FGFR1OP2: variants seen among roughly 807,000 people sequenced by gnomAD.
FGFR1OP2 encodes fibroblast growth factor receptor 1 oncogene partner 2.
Under a neutral mutation model 35.2 loss-of-function variants are expected in FGFR1OP2, and 17 were observed. That is an observed-to-expected ratio of 0.48 (90% confidence interval 0.33 to 0.73). The LOEUF is 0.73. Among genes scored for constraint, FGFR1OP2 ranks in the 30% least tolerant of loss-of-function variants. FGFR1OP2 has a pLI of 0.02. For missense variants in FGFR1OP2, 251 were observed against 307.3 expected (o/e 0.82, Z 1.37); for synonymous variants, 105 against 104.6 (o/e 1.00, Z -0.03).
In FGFR1OP2 at chr12:26,957,634, C is replaced by T; in HGVS notation, c.287C>T (p.Ala96Val). 1 of 1,612,986 alleles carries T rather than the reference C, an allele frequency of 6.2e-7. No homozygotes were observed. Among genetic ancestry groups the T allele is most frequent in the Non-Finnish European group, 8.5e-7 (1 of 1,179,506 alleles). Reference sequence around the variant, plus strand: ...ACATCTCTGGAAGAACATCAGTCGGCCTTGGAACTTATAATGAGCAAGTAC... The same window carrying T: ...ACATCTCTGGAAGAACATCAGTCGGTCTTGGAACTTATAATGAGCAAGTAC... ...LRTSLEEHQS[A>V]LELIMSKYRE... The change falls in exon 4 of 7, where the codon GCC (alanine) becomes GTC (valine). Residue 96 changes from alanine (A) to valine (V), a missense_variant. Transcript: ENST00000229395.
intron 1 of FGFR1OP2, among the ~76,000 whole-genome samples, chr12:26,947,018 CTT>C (rs370809370): frequency 1.4e-5 from 2 of 145,832 alleles, no homozygotes; most frequent in Non-Finnish European, 1.5e-5. Flanking sequence ...TTCCCCCCTA[CTT>C]TTTTTTTTTT....
rs1209929833 is a variant in FGFR1OP2 at position 26,964,869 on chromosome 12, A to G, written c.*136A>G. 6.3e-6 allele frequency: 5 copies of G among 796,702 alleles called. No homozygotes were observed. In the East Asian group the frequency reaches 1.3e-4, roughly 21 times the overall value. 49.4% of individuals were successfully genotyped at this position (796,702 alleles called of 1,614,324 possible). A position where few individuals can be genotyped will look rare whatever the true frequency, so the allele number is the denominator to read the frequency against. ...GTGCACGGGCTATGAGATAGCAACA[A>G]AAAATGCATAGTTAATGGTCATAGA... On this transcript the variant is annotated 3_prime_UTR_variant, in exon 7 of 7. Coordinates refer to ENST00000229395, the MANE Select transcript of FGFR1OP2 (RefSeq NM_015633.3).
Position 26,938,510 on chromosome 12 carries a change from G to A in FGFR1OP2, c.-215G>A, listed in dbSNP as rs1938615205. 2 of 151,658 alleles carry A rather than the reference G, an allele frequency of 1.3e-5. No individual in the cohort carries two copies. Among genetic ancestry groups the A allele is most frequent in the Admixed American group, 1.3e-4 (2 of 15,222 alleles). 9.4% of individuals were successfully genotyped at this position (151,658 alleles called of 1,614,324 possible). On this transcript the variant is annotated 5_prime_UTR_variant, in exon 1 of 7. Coordinates refer to ENST00000229395, the MANE Select transcript of FGFR1OP2 (RefSeq NM_015633.3). ...CCGGTCGGAGGCGGTCGGCGGAGGT[G>A]TCTACCCCGCCGGTGATGGCGTTGA...
intron 1 of FGFR1OP2, among the ~76,000 whole-genome samples, chr12:26,946,509 G>A (rs2041899546): frequency 6.6e-6 from 1 of 152,068 alleles, no homozygotes; most frequent in African/African-American, 2.4e-5. Flanking sequence ...GTGGGGTTTG[G>A]CCATGTTTCC....
chr12:26,955,189 G>A (rs185203889), intron 2 of FGFR1OP2, among the ~76,000 whole-genome samples: 1 of 152,198 alleles, frequency 6.6e-6, no homozygotes, highest in East Asian at 1.9e-4. Context: ...GACATCTGAA[G>A]TTAAGAACCA....
intron 1 of FGFR1OP2, among the ~76,000 whole-genome samples, chr12:26,950,020 T>G (rs1449185192): frequency 6.6e-6 from 1 of 152,108 alleles, no homozygotes; most frequent in Non-Finnish European, 1.5e-5. Flanking sequence ...TCATGGAGTC[T>G]TTTAACTTCT....
intron 1 of FGFR1OP2, among the ~76,000 whole-genome samples, chr12:26,941,871 A>C (rs1226063610): frequency 6.6e-6 from 1 of 152,058 alleles, no homozygotes; most frequent in African/African-American, 2.4e-5. Flanking sequence ...TTCGTTTTCC[A>C]CCTGATGAGA....
chr12:26,957,655 A>C lies in FGFR1OP2; in HGVS notation c.308A>C (p.Lys103Thr), dbSNP rs775003548. 6.2e-7 allele frequency: 1 copy of C among 1,613,780 alleles called. No individual in the cohort carries two copies. Among genetic ancestry groups the C allele is most frequent in the Non-Finnish European group, 8.5e-7 (1 of 1,179,780 alleles). ...HQSALELIMS[K>T]YREQMFRLLM... ...TCGGCCTTGGAACTTATAATGAGCA[A>C]GTACCGAGAACAAATGTTTAGATTG... is the stretch of plus-strand genomic sequence containing the variant. The change falls in exon 4 of 7, where the codon AAG becomes ACG. Residue 103 changes from lysine to threonine, a missense_variant. Transcript: ENST00000229395.
At chr12:26,963,654 A>G (rs981907799) in intron 6 of FGFR1OP2, among the ~76,000 whole-genome samples, 199 bp downstream of exon 6, 8 of 152,150 alleles carry the variant, frequency 5.3e-5, no homozygotes, top group African/African-American at 1.9e-4. Context: ...CTTACAATAT[A>G]CCAGTAATGT....
At chr12:26,960,389 C>G in intron 4 of FGFR1OP2, 126 bp from the exon 5 acceptor site, 1 of 508,348 alleles carries the variant, frequency 2.0e-6, no homozygotes. Context: ...TGAACAGATG[C>G]CTTTTTGGAA....
At chr12:26,959,446 C>G (rs1343321323) in intron 4 of FGFR1OP2, among the ~76,000 whole-genome samples, 1 of 151,752 alleles carries the variant, frequency 6.6e-6, no homozygotes, top group African/African-American at 2.4e-5. Flanking sequence ...TGTTTTATAA[C>G]CTAAAAATAA....
chr12:26,955,296 A>G (rs920655226), intron 2 of FGFR1OP2, among the ~76,000 whole-genome samples: 4 of 152,218 alleles, frequency 2.6e-5, no homozygotes, highest in African/African-American at 9.6e-5. Flanking sequence ...TTCTTAATGG[A>G]AAATCTTTTT....
At chr12:26,940,248 G>T (rs1317676634) in intron 1 of FGFR1OP2, among the ~76,000 whole-genome samples, 1 of 152,114 alleles carries the variant, frequency 6.6e-6, no homozygotes, top group African/African-American at 2.4e-5. Flanking sequence ...ATATGTATGT[G>T]AAACTTATAT....
chr12:26,941,495 C>T (rs1216302551), intron 1 of FGFR1OP2, among the ~76,000 whole-genome samples: 1 of 152,178 alleles, frequency 6.6e-6, no homozygotes, highest in Non-Finnish European at 1.5e-5. Flanking sequence ...CTTTGAGCTA[C>T]CTGCTGCTTA....
chr12:26,956,127 C>T (rs960093773), intron 2 of FGFR1OP2, among the ~76,000 whole-genome samples: 1 of 152,052 alleles, frequency 6.6e-6, no homozygotes, highest in Non-Finnish European at 1.5e-5. Flanking sequence ...AAAGATTGGA[C>T]ACCCCTGAAC....
rs186825513 is a variant in FGFR1OP2 at position 26,964,309 on chromosome 12, T to C, written c.625-287T>C. 3.3e-5 allele frequency among the ~76,000 whole-genome samples: 5 copies of C among 152,270 alleles called. No homozygotes were observed. The East Asian group carries it at 7.7e-4, about 23-fold the overall frequency. ...ATCTAGATGTTATTTTCTTCATCTC[T>C]AATGTGATTGTAAAATAAGGCAATT... On this transcript the variant is annotated intron_variant, in intron 6 of 6. Transcript: ENST00000229395.
intron 1 of FGFR1OP2, among the ~76,000 whole-genome samples, chr12:26,946,777 T>G (rs1938829746): frequency 6.6e-6 from 1 of 152,210 alleles, no homozygotes; most frequent in Admixed American, 6.5e-5. Context: ...TTTAGAACAT[T>G]TTTCCCGCGC....
At chr12:26,954,101 T>G (rs1938980836) in intron 1 of FGFR1OP2, 44 bp from the exon 2 acceptor site, 2 of 1,359,616 alleles carry the variant, frequency 1.5e-6, no homozygotes, top group Non-Finnish European at 1.0e-6. Context: ...AATAAAGAGA[T>G]ATGTTGACTT....
Position 26,966,139 on chromosome 12 carries a change from G to T in FGFR1OP2, c.*1406G>T, listed in dbSNP as rs1565853820. On this transcript the variant is annotated 3_prime_UTR_variant, in exon 7 of 7. Transcript: ENST00000229395. ...TTTTATCTTAAGTTTGGGGTGAATG[G>T]GGTGGATGAGACTGATTGAATAGAA... The T allele has an allele frequency of 6.6e-6, 1 of 151,976 alleles. No homozygotes were observed. The highest frequency in any genetic ancestry group is 1.5e-5 in the Non-Finnish European group (1 of 67,926). 9.4% of individuals were successfully genotyped at this position (151,976 alleles called of 1,614,324 possible). A position where few individuals can be genotyped will look rare whatever the true frequency, so the allele number is the denominator to read the frequency against.
Sources: gnomAD v4.1 joint callset for allele counts (sites outside exome capture counted in the v4.1 genomes callset) on GRCh38, gnomAD v4.1.1 for gene constraint, MANE v1.5 for transcripts, NCBI Gene and HGNC (gene_info 2026-07-23, HGNC 2026-07-21) for gene names.